NRG3: variants seen among roughly 807,000 people sequenced by gnomAD.
NRG3 encodes neuregulin 3, also known as pro-neuregulin-3, membrane-bound isoform.
A neutral mutation model predicts 66.9 loss-of-function variants in NRG3; 31 were observed. The ratio of observed to expected loss-of-function variants is 0.46; its 90% CI spans 0.35 to 0.63. The LOEUF (loss-of-function observed/expected upper bound fraction) is 0.63, where lower values mean the gene tolerates loss of function less well. Among genes scored for constraint, NRG3 ranks in the 20% least tolerant of loss-of-function variants. The pLI, the probability that NRG3 is intolerant of heterozygous loss-of-function variation, is 0.00. For missense variants in NRG3, 910 were observed against 878.9 expected, an observed-to-expected ratio of 1.04 and a Z score of -0.45; for synonymous variants, 393 against 359.4, an observed-to-expected ratio of 1.09 and a Z score of -1.06.
chr10:82,743,025 C>T (rs1256898439), intron 3 of NRG3, among the ~76,000 whole-genome samples: 2 of 152,198 alleles, frequency 1.3e-5, no homozygotes, highest in African/African-American at 2.4e-5. Context: ...TCAAAGAATG[C>T]AGTGGGGTAG....
chr10:82,422,488 C>A (rs2089152653), intron 2 of NRG3, among the ~76,000 whole-genome samples: 1 of 151,822 alleles, frequency 6.6e-6, no homozygotes, highest in South Asian at 2.1e-4. Context: ...ACACACTTTG[C>A]AAAATGTATG....
intron 1 of NRG3, among the ~76,000 whole-genome samples, chr10:82,063,691 A>C (rs1218441743): frequency 6.6e-6 from 1 of 152,158 alleles, no homozygotes; most frequent in Non-Finnish European, 1.5e-5. Flanking sequence ...AAGCTAAAGA[A>C]AGGAACTAAA....
intron 1 of NRG3, among the ~76,000 whole-genome samples, chr10:81,960,380 C>T (rs1850239339): frequency 6.6e-6 from 1 of 152,042 alleles, no homozygotes; most frequent in African/African-American, 2.4e-5. Flanking sequence ...AGGCAACTTT[C>T]TTACCTTTCA....
chr10:82,582,911 T>G (rs531400969), intron 2 of NRG3, among the ~76,000 whole-genome samples: 61 of 152,284 alleles, frequency 4.0e-4, no homozygotes, highest in African/African-American at 1.4e-3. Context: ...ATTCAAATAT[T>G]TGAGCATACT....
intron 2 of NRG3, among the ~76,000 whole-genome samples, chr10:82,541,361 G>A (rs2043529476): frequency 6.6e-6 from 1 of 152,156 alleles, no homozygotes; most frequent in African/African-American, 2.4e-5. Context: ...AGTTGTGGAA[G>A]GAAAGGCCTT....
At chr10:81,887,579 C>A (rs1368734412) in intron 1 of NRG3, among the ~76,000 whole-genome samples, 1 of 152,034 alleles carries the variant, frequency 6.6e-6, no homozygotes, top group Non-Finnish European at 1.5e-5. Context: ...AAGCCTCTCC[C>A]AGAATCATAA....
chr10:82,266,385 G>A (rs1348714574), intron 1 of NRG3, among the ~76,000 whole-genome samples: 1 of 152,090 alleles, frequency 6.6e-6, no homozygotes, highest in African/African-American at 2.4e-5. Context: ...TAAGTAATAT[G>A]GGGGCTACAG....
chr10:82,908,597 C>G (rs775050904), intron 4 of NRG3, among the ~76,000 whole-genome samples: 7 of 152,158 alleles, frequency 4.6e-5, no homozygotes, highest in Admixed American at 3.3e-4. Flanking sequence ...TGAGAACACC[C>G]ACGCTAACTC....
chr10:82,853,036 G>C (rs576124658), intron 3 of NRG3, among the ~76,000 whole-genome samples: 1 of 152,280 alleles, frequency 6.6e-6, no homozygotes, highest in South Asian at 2.1e-4. Flanking sequence ...TGACTGAGGT[G>C]TTAGAATAGG....
intron 2 of NRG3, among the ~76,000 whole-genome samples, chr10:82,389,764 G>T (rs2086230415): frequency 6.6e-6 from 1 of 152,116 alleles, no homozygotes; most frequent in African/African-American, 2.4e-5. Flanking sequence ...ACTTAAAATA[G>T]ATTCAAAAAA....
intron 2 of NRG3, among the ~76,000 whole-genome samples, chr10:82,725,728 C>G (rs145497313): frequency 6.6e-6 from 1 of 152,218 alleles, no homozygotes; most frequent in Non-Finnish European, 1.5e-5. Context: ...AATATTGCTT[C>G]TAGGACACAT....
chr10:82,767,812 G>A (rs1011612497), intron 3 of NRG3, among the ~76,000 whole-genome samples: 1 of 151,566 alleles, frequency 6.6e-6, no homozygotes, highest in African/African-American at 2.4e-5. Flanking sequence ...TTTTTTGAAT[G>A]TCTCTAAGGA....
At chr10:82,091,203 C>CGGT (rs1396422659) in intron 1 of NRG3, among the ~76,000 whole-genome samples, 5 of 152,046 alleles carry the variant, frequency 3.3e-5, no homozygotes, top group Non-Finnish European at 7.4e-5. Context: ...ATCCATTGAT[C>CGGT]GGTAGTCTTA....
In NRG3 at chr10:82,728,121, C is replaced by G. The variant is rs1288671630; in HGVS notation, c.954-10456C>G. On this transcript the variant is annotated intron_variant, in intron 2 of 8. Transcript: ENST00000372141. ...AGGCTCATAGGCAGAAGGTACTTGC[C>G]TCGTCTCAGATGAGACGTTGGACTG... Among the ~76,000 whole-genome samples the G allele has an allele frequency of 2.6e-5, 4 of 152,072 alleles. No individual in the cohort carries two copies. The East Asian group carries it at 7.8e-4, about 29-fold the overall frequency.
intron 1 of NRG3, among the ~76,000 whole-genome samples, chr10:82,114,019 T>C (rs956285764): frequency 3.3e-5 from 5 of 152,196 alleles, no homozygotes; most frequent in African/African-American, 9.6e-5. Flanking sequence ...CAACCACTAA[T>C]CTACTTTGTC....
chr10:82,274,943 A>C (rs1002356564), intron 1 of NRG3, among the ~76,000 whole-genome samples: 1 of 152,006 alleles, frequency 6.6e-6, no homozygotes, highest in East Asian at 1.9e-4. Context: ...CCTTCCACTT[A>C]GACTAGACTC....
chr10:82,568,567 A>C (rs76307430), intron 2 of NRG3, among the ~76,000 whole-genome samples: 2,534 of 151,882 alleles, frequency 0.017, 69 homozygotes, highest in African/African-American at 0.057. Flanking sequence ...AGCAAGTTTC[A>C]TGGTCATCCC....
chr10:81,924,281 A>G (rs1284642373), intron 1 of NRG3, among the ~76,000 whole-genome samples: 1 of 152,240 alleles, frequency 6.6e-6, no homozygotes, highest in Non-Finnish European at 1.5e-5. Context: ...GGTAACAGAA[A>G]TATGCTCCTA....
intron 1 of NRG3, among the ~76,000 whole-genome samples, chr10:82,266,581 T>C (rs894468456): frequency 2.3e-4 from 35 of 152,138 alleles, no homozygotes; most frequent in African/African-American, 8.4e-4. Flanking sequence ...CTATGTCTCA[T>C]TACTAAAGGT....
Sources: allele counts gnomAD v4.1 joint callset (sites outside exome capture counted in the v4.1 genomes callset), GRCh38; gene constraint gnomAD v4.1.1; transcripts MANE v1.5; gene names NCBI Gene and HGNC (gene_info 2026-07-23, HGNC 2026-07-21).